Variants in MED14 observed in about 807,000 individuals in gnomAD.
MED14 encodes the protein mediator complex subunit 14, also known as mediator of RNA polymerase II transcription subunit 14.
Under a neutral mutation model 109.0 loss-of-function variants are expected in MED14, and 8 were observed. The ratio of observed to expected loss-of-function variants is 0.07; its 90% CI spans 0.04 to 0.13. The LOEUF is 0.13. MED14 is among the 10% of genes least tolerant of loss of function. The pLI is 1.00. For synonymous variants in MED14, 399 were observed against 408.7 expected, an observed-to-expected ratio of 0.98 and a Z score of 0.29; for missense variants, 711 against 1,142.4, an observed-to-expected ratio of 0.62 and a Z score of 5.44.
chrX:40,674,298 G>A (rs1929839902), intron 22 of MED14, among the ~76,000 whole-genome samples: 1 of 111,637 alleles, frequency 9.0e-6, no homozygotes, highest in African/African-American at 3.3e-5. Context: ...CTAAATAGCT[G>A]CCAGGAACAA....
upstream of MED14, among the ~76,000 whole-genome samples, chrX:40,736,067 C>T (rs1014450734): frequency 3.6e-5 from 4 of 112,184 alleles, no homozygotes; most frequent in South Asian, 7.3e-4. Flanking sequence ...CAAACACAGC[C>T]AGGGGAGGCC....
Position 40,675,275 on chromosome X carries a change from T to C in MED14, c.2967A>G (p.Gly989=). 8.4e-7 allele frequency: 1 copy of C among 1,195,491 alleles called. No individual in the cohort carries two copies. Among genetic ancestry groups the C allele is most frequent in the Non-Finnish European group, 1.1e-6 (1 of 887,987 alleles). Residue 989 remains glycine, a synonymous_variant, in exon 22 of 31, where the codon GGA becomes GGG. Coordinates refer to ENST00000324817, the MANE Select transcript of MED14 (RefSeq NM_004229.4). The part of the protein sequence containing the change: ...NEDDNPPSPI[G]GDMMDSLISQ... ...ATATTAAAGAATCCATCATATCTCC[T>C]CCTATAGGAGAAGGGGGATTATCGT...
chrX:40,682,252 T>C (rs766801977), intron 18 of MED14, among the ~76,000 whole-genome samples: 2 of 111,815 alleles, frequency 1.8e-5, no homozygotes, highest in Non-Finnish European at 3.8e-5. Flanking sequence ...TGTTTTCTTC[T>C]GTAAAATGAG....
In MED14 at chrX:40,712,898, A is replaced by G. The variant is rs1241947220; in HGVS notation, c.781+16T>C. 2 of 1,132,682 alleles carry G rather than the reference A, an allele frequency of 1.8e-6. No homozygotes were observed. The allele number at this position is 1,132,682 out of a possible 1,213,427, so 93.3% of individuals were successfully genotyped here. On this transcript the variant is annotated intron_variant, in intron 6 of 30. Coordinates refer to ENST00000324817, the MANE Select transcript of MED14 (RefSeq NM_004229.4). ...TAAACTAATACTTATGATTTAAATCACTACTTATGATTTACCTCCTGTTTC... is the reference window on the plus strand; with the variant it reads ...TAAACTAATACTTATGATTTAAATCGCTACTTATGATTTACCTCCTGTTTC...
rs765394608 is a variant in MED14, at chrX:40,679,844, A to G, written c.2880+20T>C. 4 of 1,202,309 alleles carry G rather than the reference A, an allele frequency of 3.3e-6. No homozygotes were observed. The highest frequency in any genetic ancestry group is 2.2e-5 in the Admixed American group (1 of 45,674). ...GATAATTTTTATGTTTACTCATGTT[A>G]TAACACTAAAGTCTGTTACCTTTAG... On this transcript the variant is annotated intron_variant, in intron 21 of 30. Transcript: ENST00000324817.
rs1458063544 is a variant in MED14, at chrX:40,735,512, C to T, written c.-100G>A. ...CCGAAACGGGAGCGGGCAGAGTCGC[C>T]ACCGCCTACCGCCGGGCCGCCTCAG... On this transcript the variant is annotated 5_prime_UTR_variant, in exon 1 of 31. Coordinates refer to ENST00000324817, the MANE Select transcript of MED14 (RefSeq NM_004229.4). The T allele has an allele frequency of 1.3e-6, 1 of 796,320 alleles. No individual in the cohort carries two copies. Among genetic ancestry groups the T allele is most frequent in the Non-Finnish European group, 1.8e-6 (1 of 547,787 alleles). 65.6% of individuals were successfully genotyped at this position (796,320 alleles called of 1,213,427 possible). A position where few individuals can be genotyped will look rare whatever the true frequency, so the allele number is the denominator to read the frequency against.
intron 21 of MED14, among the ~76,000 whole-genome samples, chrX:40,677,979 C>A (rs951170581): frequency 9.0e-6 from 1 of 111,537 alleles, no homozygotes; most frequent in Admixed American, 9.5e-5. Flanking sequence ...CTTTATCTAG[C>A]CACTTCAGTT....
intron 3 of MED14, among the ~76,000 whole-genome samples, chrX:40,723,956 C>T (rs1931819313): frequency 9.0e-6 from 1 of 111,245 alleles, no homozygotes; most frequent in South Asian, 3.7e-4. Flanking sequence ...AAGAAACATA[C>T]TTCACCTATA....
At chrX:40,689,152 T>A (rs921018229) in intron 15 of MED14, among the ~76,000 whole-genome samples, 5 of 112,426 alleles carry the variant, frequency 4.4e-5, no homozygotes, top group Non-Finnish European at 7.5e-5. Flanking sequence ...GAAAGTCATC[T>A]GATCTAAAGA....
chrX:40,692,975 G>GT, intron 13 of MED14, 73 bp from the exon 14 acceptor site: 2 of 726,382 alleles, frequency 2.8e-6, no homozygotes, highest in South Asian at 9.1e-5. Flanking sequence ...ACATCATCAA[G>GT]TAAGGCTCAG....
At chrX:40,676,724 C>G (rs1929921292) in intron 21 of MED14, among the ~76,000 whole-genome samples, 1 of 111,689 alleles carries the variant, frequency 9.0e-6, no homozygotes, top group South Asian at 3.7e-4. Context: ...TGAGTTCTCA[C>G]CAGATCTGAT....
intron 5 of MED14, 152 bp from the exon 6 acceptor site, chrX:40,713,194 A>G (rs942562391): frequency 7.9e-6 from 4 of 507,849 alleles, no homozygotes; most frequent in Admixed American, 9.0e-5. Flanking sequence ...TGGTTCCTGA[A>G]TAAGAAGTAG....
chrX:40,663,398 C>T (rs1929359803), intron 25 of MED14, among the ~76,000 whole-genome samples: 1 of 89,110 alleles, frequency 1.1e-5, no homozygotes, highest in South Asian at 6.2e-4. Flanking sequence ...AAGGGGTGGA[C>T]TCTATTTCTC....
Position 40,735,371 on chromosome X carries a change from G to A in MED14, c.42C>T (p.Pro14=), listed in dbSNP as rs1003786239. 7.5e-6 allele frequency: 8 copies of A among 1,066,387 alleles called. No homozygotes were observed. Among genetic ancestry groups the A allele is most frequent in the Non-Finnish European group, 9.6e-6 (8 of 829,049 alleles). The allele number at this position is 1,066,387 out of a possible 1,213,427, so 87.9% of individuals were successfully genotyped here. A position where few individuals can be genotyped will look rare whatever the true frequency, so the allele number is the denominator to read the frequency against. The stretch of plus-strand genomic sequence containing the variant: ...CGCCGCTGCCCCCGCCGCCGCCTCC[G>A]GGCGGGACCAGCTGGTGGTTCTCCA... ...VQLENHQLVP[P]GGGGGGSGGP... The change falls in exon 1 of 31, where the codon CCC becomes CCT. Residue 14 remains proline (P), a synonymous_variant. Transcript: ENST00000324817.
intron 30 of MED14, chrX:40,653,838 A>C (rs1192237284): frequency 8.8e-6 from 1 of 113,876 alleles, no homozygotes; most frequent in Non-Finnish European, 1.8e-5. Context: ...CACCCACCTG[A>C]CACTTATATA....
chrX:40,725,106 A>AAC (rs753322050), intron 3 of MED14, among the ~76,000 whole-genome samples: 78 of 112,130 alleles, frequency 7.0e-4, no homozygotes, highest in Non-Finnish European at 7.9e-4. Context: ...GTGAAGACTG[A>AAC]ACCATGAAGA....
chrX:40,731,126 G>A (rs1932067850), intron 1 of MED14, among the ~76,000 whole-genome samples: 1 of 93,122 alleles, frequency 1.1e-5, no homozygotes, highest in Non-Finnish European at 2.0e-5. Flanking sequence ...GGGTGACAGA[G>A]CAAGACCCTG....
chrX:40,721,688 C>T (rs1931724446), intron 3 of MED14, among the ~76,000 whole-genome samples: 1 of 112,372 alleles, frequency 8.9e-6, no homozygotes, highest in Non-Finnish European at 1.9e-5. Context: ...TTACACTGAG[C>T]CTTGGGCAAG....
At chrX:40,683,722 C>A (rs910297775) in intron 16 of MED14, among the ~76,000 whole-genome samples, 28 of 111,607 alleles carry the variant, frequency 2.5e-4, no homozygotes, top group Middle Eastern at 4.2e-3. Context: ...ACTGAATAAC[C>A]ATGATAAAAT....
Sources: allele counts gnomAD v4.1 joint callset (sites outside exome capture counted in the v4.1 genomes callset), GRCh38; gene constraint gnomAD v4.1.1; transcripts MANE v1.5; gene names NCBI Gene and HGNC (gene_info 2026-07-23, HGNC 2026-07-21).